Variants in XXYLT1 observed in about 807,000 individuals in gnomAD.
XXYLT1 encodes the protein xyloside xylosyltransferase 1.
XXYLT1 carries 20 observed loss-of-function variants against 28.9 expected under a neutral mutation model. That is an observed-to-expected ratio of 0.69 (90% CI 0.49 to 1.00). The LOEUF is 1.00. XXYLT1 is among the 50% of genes least tolerant of loss of function. The probability of loss-of-function intolerance (pLI) is 0.00; values close to 1 mark genes in which losing one functional copy is unlikely to be tolerated. For missense variants in XXYLT1, 542 were observed against 560.1 expected (o/e 0.97, Z 0.33); for synonymous variants, 257 against 253.8 (o/e 1.01, Z -0.12).
intron 1 of XXYLT1, chr3:195,270,013 G>C (rs1402931803): frequency 1.0e-5 from 2 of 194,462 alleles, no homozygotes; most frequent in East Asian, 3.3e-4. Flanking sequence ...CATGACCCTT[G>C]GAGGAAGGGG....
intron 2 of XXYLT1, among the ~76,000 whole-genome samples, chr3:195,226,431 G>C (rs1174389412): frequency 6.6e-6 from 1 of 152,180 alleles, no homozygotes; most frequent in Non-Finnish European, 1.5e-5. Flanking sequence ...AGTGGGGAAA[G>C]AAGGGGGCGA....
chr3:195,124,579 C>G lies in XXYLT1; in HGVS notation c.785+31870G>C, dbSNP rs1718522266. Among the ~76,000 whole-genome samples, 1 of 152,230 alleles carries G rather than the reference C, an allele frequency of 6.6e-6. No homozygotes were observed. Among genetic ancestry groups the G allele is most frequent in the African/African-American group, 2.4e-5 (1 of 41,458 alleles). ...GTTTTGCTCACGAACGCAGCCCCAG[C>G]ACCTGGCACAGTGTCTGGTAAGCAG... On this transcript the variant is annotated intron_variant, in intron 3 of 3. Transcript: ENST00000310380. This position sits in a 1 kb window ranked among gnomAD's most constrained non-coding sequence, Gnocchi z 4.1.
At chr3:195,132,753 A>G (rs1718966610) in intron 3 of XXYLT1, among the ~76,000 whole-genome samples, 1 of 152,248 alleles carries the variant, frequency 6.6e-6, no homozygotes, top group African/African-American at 2.4e-5. Context: ...CCTACCAGCC[A>G]GCAGACCGTA....
intron 3 of XXYLT1, among the ~76,000 whole-genome samples, chr3:195,108,848 C>T (rs992792820): frequency 6.6e-6 from 1 of 152,328 alleles, no homozygotes; most frequent in Admixed American, 6.5e-5. Flanking sequence ...TCACTCTCCC[C>T]CTCCATGAAG....
At chr3:195,106,223 T>C (rs1717073278) in intron 3 of XXYLT1, among the ~76,000 whole-genome samples, 1 of 152,244 alleles carries the variant, frequency 6.6e-6, no homozygotes, top group South Asian at 2.1e-4. Context: ...ACTAGTGTTC[T>C]CGACGGAGAG....
intron 2 of XXYLT1, among the ~76,000 whole-genome samples, chr3:195,218,370 A>T (rs2108790571): frequency 6.6e-6 from 1 of 152,194 alleles, no homozygotes; most frequent in South Asian, 2.1e-4. Flanking sequence ...CATCAGAGTG[A>T]ACAGGCAACC....
At position 195,077,548 on chromosome 3, in the gene XXYLT1, A is replaced by C. The variant is rs1368681495; in HGVS notation, c.786-7437T>G. Among the ~76,000 whole-genome samples the C allele has an allele frequency of 6.6e-6, 1 of 151,990 alleles. No homozygotes were observed. The highest frequency in any genetic ancestry group is 1.5e-5 in the Non-Finnish European group (1 of 67,954). ...ACCCAGCCAGCCTCCTGGAGTCTGG[A>C]ATGATAAAGGTGACCCATAGTGTCA... is the stretch of plus-strand genomic sequence containing the variant. On this transcript the variant is annotated intron_variant, in intron 3 of 3. Transcript: ENST00000310380. This position sits in a 1 kb window ranked among gnomAD's most constrained non-coding sequence, Gnocchi z 4.8.
In XXYLT1 at chr3:195,151,708, G is replaced by C. The variant is rs1022746312; in HGVS notation, c.785+4741C>G. ...TATAAGTATGTCCTGTGCAATATTTGGGACATATTTAACATACAAAACACT... is the reference window on the plus strand; with the variant it reads ...TATAAGTATGTCCTGTGCAATATTTCGGACATATTTAACATACAAAACACT... On this transcript the variant is annotated intron_variant, in intron 3 of 3. Coordinates refer to ENST00000310380, the MANE Select transcript of XXYLT1 (RefSeq NM_152531.5). Among the ~76,000 whole-genome samples the C allele has an allele frequency of 5.9e-5, 9 of 151,912 alleles. No individual in the cohort carries two copies. In the East Asian group the frequency reaches 1.5e-3, roughly 26 times the overall value.
intron 3 of XXYLT1, among the ~76,000 whole-genome samples, chr3:195,098,838 C>T (rs1486186760): frequency 1.3e-5 from 2 of 152,158 alleles, no homozygotes; most frequent in African/African-American, 4.8e-5. Context: ...ACGGGTGGGA[C>T]CCTCCCTGGG....
intron 1 of XXYLT1, among the ~76,000 whole-genome samples, chr3:195,227,829 G>A (rs557069933): frequency 3.5e-4 from 53 of 152,296 alleles, no homozygotes; most frequent in Non-Finnish European, 5.3e-4. Flanking sequence ...CTCAACCCGC[G>A]ATTAGAGCAG....
At chr3:195,208,744 T>C (rs1723181657) in intron 2 of XXYLT1, among the ~76,000 whole-genome samples, 1 of 152,076 alleles carries the variant, frequency 6.6e-6, no homozygotes, top group Admixed American at 6.5e-5. Flanking sequence ...CCTCTGTCAC[T>C]GAGCTGAGCT....
chr3:195,081,337 A>G (rs1331913027), intron 3 of XXYLT1, among the ~76,000 whole-genome samples: 1 of 152,216 alleles, frequency 6.6e-6, no homozygotes, highest in Non-Finnish European at 1.5e-5. Flanking sequence ...CACAGGTTCT[A>G]TGCTAATACT....
chr3:195,128,785 C>T (rs1221745369), intron 3 of XXYLT1, among the ~76,000 whole-genome samples: 2 of 152,188 alleles, frequency 1.3e-5, no homozygotes, highest in East Asian at 1.9e-4. Flanking sequence ...ACTTGAATGT[C>T]TCCCCCCTTG....
intron 3 of XXYLT1, among the ~76,000 whole-genome samples, chr3:195,149,279 A>G (rs1192314616): frequency 1.3e-5 from 2 of 152,246 alleles, no homozygotes; most frequent in Non-Finnish European, 2.9e-5. Flanking sequence ...TATGCTATTC[A>G]AAACAAAAAT....
intron 3 of XXYLT1, among the ~76,000 whole-genome samples, chr3:195,132,842 C>T (rs1195846606): frequency 6.6e-6 from 1 of 152,192 alleles, no homozygotes; most frequent in East Asian, 1.9e-4. Flanking sequence ...CACAGATTAA[C>T]GCTGAGATGC....
chr3:195,106,291 C>T (rs9757797), intron 3 of XXYLT1, among the ~76,000 whole-genome samples: 102,872 of 148,022 alleles, frequency 0.69, 35,877 homozygotes, highest in Middle Eastern at 0.73. Context: ...GTGTTTTTGA[C>T]GGAGAGATGC....
Position 195,210,497 on chromosome 3 carries a change from G to A in XXYLT1, c.652+16212C>T, listed in dbSNP as rs551905251. On this transcript the variant is annotated intron_variant, in intron 2 of 3. Transcript: ENST00000310380. The surrounding 1 kb of genome is among the most constrained non-coding windows in gnomAD (Gnocchi z 4.8). ...TAAGAGCCAGCTGATGCCTTTGACC[G>A]ATAGCCAAGAATTTAAAAGAAGATC... 3.9e-5 allele frequency among the ~76,000 whole-genome samples: 6 copies of A among 152,300 alleles called. No homozygotes were observed. The highest frequency in any genetic ancestry group is 2.1e-4 in the South Asian group (1 of 4,830).
At chr3:195,177,533 A>C (rs1457250400) in intron 2 of XXYLT1, among the ~76,000 whole-genome samples, 1 of 152,144 alleles carries the variant, frequency 6.6e-6, no homozygotes, top group Non-Finnish European at 1.5e-5. Context: ...CAATGCACCA[A>C]CTCAAACTTG....
intron 1 of XXYLT1, among the ~76,000 whole-genome samples, chr3:195,258,477 G>A (rs1222205458): frequency 6.6e-6 from 1 of 152,202 alleles, no homozygotes; most frequent in Non-Finnish European, 1.5e-5. Flanking sequence ...GTATAATTGT[G>A]CACCATTTAC....
Sources: gnomAD v4.1 joint callset for allele counts (sites outside exome capture counted in the v4.1 genomes callset) on GRCh38, gnomAD v4.1.1 for gene constraint, Gnocchi (gnomAD v3.1) non-coding constraint, MANE v1.5 for transcripts, NCBI Gene and HGNC (gene_info 2026-07-23, HGNC 2026-07-21) for gene names.